Variants in TDRD9 observed in about 807,000 individuals in gnomAD.
The protein encoded by TDRD9 is ATP-dependent RNA helicase TDRD9.
Under a neutral mutation model 172.6 loss-of-function variants are expected in TDRD9, and 124 were observed. The observed-to-expected ratio is 0.72, with a 90% CI of 0.62 to 0.83. TDRD9 has a LOEUF of 0.83. Among genes scored for constraint, TDRD9 ranks in the 40% least tolerant of loss-of-function variants. TDRD9 has a pLI of 0.00. For synonymous variants in TDRD9, 619 were observed against 617.1 expected (o/e 1.00, Z -0.05); for missense variants, 1,479 against 1,714.1 (o/e 0.86, Z 2.42).
intron 7 of TDRD9, among the ~76,000 whole-genome samples, chr14:103,976,132 A>G (rs566036654): frequency 6.6e-6 from 1 of 152,124 alleles, no homozygotes; most frequent in African/African-American, 2.4e-5. Context: ...AATGTGTGGT[A>G]TTTATCTTTC....
chr14:104,004,358 A>G, intron 14 of TDRD9, 23 bp downstream of exon 14: 3 of 1,182,792 alleles, frequency 2.5e-6, no homozygotes, highest in Non-Finnish European at 3.7e-6. Context: ...GGTCATTGTC[A>G]AAGTTTATTT....
chr14:104,023,862 GAGGTCAGA>G (rs1183574176), intron 24 of TDRD9, among the ~76,000 whole-genome samples: 1 of 152,176 alleles, frequency 6.6e-6, no homozygotes, highest in Non-Finnish European at 1.5e-5. Context: ...CTGCTCTAGT[GAGGTCAGA>G]CTCCACTTAC....
At chr14:103,953,061 A>C (rs1420190285) in intron 1 of TDRD9, among the ~76,000 whole-genome samples, 2 of 152,054 alleles carry the variant, frequency 1.3e-5, no homozygotes, top group African/African-American at 4.8e-5. Flanking sequence ...TTTTGCTGCA[A>C]ATGTTTTCTT....
intron 13 of TDRD9, among the ~76,000 whole-genome samples, chr14:104,001,632 C>A (rs141700746): frequency 6.6e-6 from 1 of 152,110 alleles, no homozygotes; most frequent in Non-Finnish European, 1.5e-5. Flanking sequence ...TGTTTTGACA[C>A]GGAGTCTCAC....
intron 1 of TDRD9, among the ~76,000 whole-genome samples, chr14:103,948,888 C>CAA (rs57817688): frequency 0.057 from 6,497 of 114,292 alleles, 552 homozygotes; most frequent in African/African-American, 0.17. Flanking sequence ...GACTCCATCT[C>CAA]AAAAAAAAAA....
At chr14:104,005,533 C>G (rs926574694) in intron 15 of TDRD9, 128 bp downstream of exon 15, 1 of 973,306 alleles carries the variant, frequency 1.0e-6, no homozygotes, top group African/African-American at 1.6e-5. Flanking sequence ...TAACTCTGTT[C>G]CTCCTGCCTC....
intron 3 of TDRD9, among the ~76,000 whole-genome samples, chr14:103,963,425 A>G (rs1595920749): frequency 6.6e-6 from 1 of 152,170 alleles, no homozygotes; most frequent in Non-Finnish European, 1.5e-5. Context: ...TACATCTTCT[A>G]ACATTTAGTT....
chr14:103,961,660 A>T (rs1011530301), intron 2 of TDRD9, among the ~76,000 whole-genome samples: 1 of 152,134 alleles, frequency 6.6e-6, no homozygotes, highest in Non-Finnish European at 1.5e-5. Flanking sequence ...TAGGAAGAAC[A>T]TACTCACAAA....
chr14:104,025,887 G>A (rs914769249), intron 26 of TDRD9, 111 bp downstream of exon 26: 286 of 1,071,030 alleles, frequency 2.7e-4, no homozygotes, highest in Non-Finnish European at 3.7e-4. Context: ...ATTGCAGTTA[G>A]CAAAGTAGTC....
chr14:103,972,735 TTC>T (rs1422350528), intron 6 of TDRD9, among the ~76,000 whole-genome samples: 1 of 152,228 alleles, frequency 6.6e-6, no homozygotes, highest in African/African-American at 2.4e-5. Context: ...AGGAAAACAT[TTC>T]TCTTTCTCTT....
chr14:103,975,386 T>C lies in TDRD9; in HGVS notation c.847-3T>C. ...TATTTGAATGTTTTCTCTTACTCTG[T>C]AGGTGGTCCTGATGTCGGCTACCAT... On this transcript the variant is annotated splice_region_variant and splice_polypyrimidine_tract_variant and intron_variant, in intron 6 of 35. Coordinates refer to ENST00000409874, the MANE Select transcript of TDRD9 (RefSeq NM_153046.3). 6.2e-7 allele frequency: 1 copy of C among 1,612,128 alleles called. No homozygotes were observed. The highest frequency in any genetic ancestry group is 1.7e-5 in the Admixed American group (1 of 59,856).
In TDRD9 at chr14:104,031,112, G is replaced by A; in HGVS notation, c.3287G>A (p.Ser1096Asn). The A allele has an allele frequency of 1.3e-6, 2 of 1,549,082 alleles. No homozygotes were observed. The highest frequency in any genetic ancestry group is 1.7e-6 in the Non-Finnish European group (2 of 1,146,434). The change falls in exon 29 of 36, where the codon AGC becomes AAC. Residue 1096 changes from serine to asparagine, a missense_variant. Ser to Asn is a conservative substitution (Grantham distance 46, BLOSUM62 1). Coordinates refer to ENST00000409874, the MANE Select transcript of TDRD9 (RefSeq NM_153046.3). ...AAACTTTTCTTGTTTGTTCAGCAAA[G>A]CCATGAAGTTCTCAAGGGCCTCTTT... The part of the protein sequence containing the change: ...LTEESYESKQ[S>N]HEVLKGLFSK...
chr14:103,941,427 T>C, intron 1 of TDRD9: 1 of 1,535,266 alleles, frequency 6.5e-7, no homozygotes, highest in Non-Finnish European at 8.7e-7. Context: ...TTGGCAAGGT[T>C]GAACTTGTGA....
At chr14:103,942,151 G>A (rs1331527061) in intron 1 of TDRD9, 1 of 162,608 alleles carries the variant, frequency 6.1e-6, no homozygotes, top group Non-Finnish European at 1.3e-5. Context: ...TGGTGACGAA[G>A]CTGTGTTTCA....
Position 104,031,231 on chromosome 14 carries a change from T to C in TDRD9, c.3406T>C (p.Ser1136Pro). 6.4e-7 allele frequency: 1 copy of C among 1,551,966 alleles called. No homozygotes were observed. The highest frequency in any genetic ancestry group is 8.7e-7 in the Non-Finnish European group (1 of 1,147,002). Residue 1136 changes from serine (S) to proline (P), a missense_variant, in exon 29 of 36, where the codon TCT (serine) becomes CCT (proline). Physicochemically the swap from Ser to Pro is moderately conservative, Grantham distance 74. Around this residue, in one of 3 missense-constraint regions of TDRD9, gnomAD observed 1,413 missense variants for 1,649.1 expected, o/e 0.86. Coordinates refer to ENST00000409874, the MANE Select transcript of TDRD9 (RefSeq NM_153046.3). ...YLIRILLESF[S>P]TNKLGTPNCK... The stretch of plus-strand genomic sequence containing the variant: ...CATCCGGATTTTGTTAGAGAGCTTT[T>C]CTACCAATAAACTGGGTACTCCAAA...
In TDRD9 at chr14:104,024,656, CCTT is replaced by C. The variant is rs765098392; in HGVS notation, c.2697_2699del (p.Leu900del). ...ACAGGTCCCAGACAGTTACAGATCT[CCTT>C]CTAACTATTGATGTCACAGAGGTAA... On this transcript the variant is annotated inframe_deletion, in exon 25 of 36. Transcript: ENST00000409874. The C allele has an allele frequency of 1.2e-6, 2 of 1,607,236 alleles. No homozygotes were observed. The highest frequency in any genetic ancestry group is 1.7e-6 in the Non-Finnish European group (2 of 1,174,466).
chr14:103,929,562 C>G (rs541918296), intron 1 of TDRD9, among the ~76,000 whole-genome samples: 3 of 151,882 alleles, frequency 2.0e-5, no homozygotes, highest in Non-Finnish European at 4.4e-5. Flanking sequence ...CTTTGTTACC[C>G]AGGCTGGAGT....
chr14:103,952,907 A>C (rs2368985), intron 1 of TDRD9, among the ~76,000 whole-genome samples: 1 of 151,608 alleles, frequency 6.6e-6, no homozygotes, highest in South Asian at 2.1e-4. Context: ...GTTGGGCTAA[A>C]TTTTGTATTT....
intron 5 of TDRD9, among the ~76,000 whole-genome samples, chr14:103,968,174 C>G (rs1188692205): frequency 1.3e-5 from 2 of 152,236 alleles, no homozygotes; most frequent in Admixed American, 1.3e-4. Flanking sequence ...GCCTTAATAG[C>G]TGAGCAAAAG....
Sources: gnomAD v4.1 joint callset for allele counts (sites outside exome capture counted in the v4.1 genomes callset) on GRCh38, gnomAD v4.1.1 for gene constraint, gnomAD v4.1.1 regional missense constraint, MANE v1.5 for transcripts, NCBI Gene and HGNC (gene_info 2026-07-23, HGNC 2026-07-21) for gene names.